Variants in FAM120B observed in about 807,000 individuals in gnomAD.
FAM120B encodes constitutive coactivator of peroxisome proliferator-activated receptor gamma.
In FAM120B, 83 loss-of-function variants were observed where a neutral mutation model predicts 96.3. The ratio of observed to expected loss-of-function variants is 0.86; its 90% CI spans 0.72 to 1.03. The LOEUF (loss-of-function observed/expected upper bound fraction) is 1.03, where lower values mean the gene tolerates loss of function less well. FAM120B is among the 50% of genes least tolerant of loss of function. The pLI is 0.00. For synonymous variants in FAM120B, 407 were observed against 402.7 expected (o/e 1.01, Z -0.13); for missense variants, 1,027 against 1,121.2 (o/e 0.92, Z 1.20).
At chr6:170,336,143 A>G (rs895023269) in intron 4 of FAM120B, among the ~76,000 whole-genome samples, 1 of 152,004 alleles carries the variant, frequency 6.6e-6, no homozygotes, top group African/African-American at 2.4e-5. Context: ...CCTGAATGGT[A>G]TTGTCTAGGT....
intron 6 of FAM120B, among the ~76,000 whole-genome samples, chr6:170,382,763 A>G (rs1379950365): frequency 6.6e-6 from 1 of 152,246 alleles, no homozygotes; most frequent in Non-Finnish European, 1.5e-5. Flanking sequence ...CAAAAATCCC[A>G]GCAAGGTATT....
At position 170,370,698 on chromosome 6, in the gene FAM120B, TTTC is replaced by T; in HGVS notation, c.2283+12383_2283+12385del. ...GCAGTTCAGATATTACCTCACCGCA[TTTC>T]TTATAAAGATTCGCCTTCTAACACC... On this transcript the variant is annotated intron_variant, in intron 6 of 10. Transcript: ENST00000476287. This position sits in a 1 kb window ranked among gnomAD's most constrained non-coding sequence, Gnocchi z 4.3. Among the ~76,000 whole-genome samples, 1 of 152,344 alleles carries T rather than the reference TTTC, an allele frequency of 6.6e-6. No individual in the cohort carries two copies. The highest frequency in any genetic ancestry group is 1.9e-4 in the East Asian group (1 of 5,182).
intron 8 of FAM120B, 75 bp from the exon 9 acceptor site, chr6:170,395,412 C>T (rs1332527221): frequency 8.3e-7 from 1 of 1,209,744 alleles, no homozygotes; most frequent in Non-Finnish European, 1.2e-6. Context: ...GCTGCCTTGC[C>T]ACCCTTTACA....
intron 9 of FAM120B, among the ~76,000 whole-genome samples, chr6:170,402,514 C>T (rs1044115292): frequency 6.6e-6 from 1 of 152,210 alleles, no homozygotes; most frequent in East Asian, 1.9e-4. Context: ...AGTGCGGGCA[C>T]GCTGGCCCTG....
chr6:170,313,979 C>T lies in FAM120B; in HGVS notation c.-21-3391C>T, dbSNP rs549418314. On this transcript the variant is annotated intron_variant, in intron 1 of 10. Transcript: ENST00000476287. ...GAGTCTTCCTCACTGTGTGTGCGTC[C>T]ATCAACATCAGGCAGCTTTGTTTAT... is the stretch of plus-strand genomic sequence containing the variant. Among the ~76,000 whole-genome samples, 24 of 152,366 alleles carry T rather than the reference C, an allele frequency of 1.6e-4. No individual in the cohort carries two copies. In the East Asian group the frequency reaches 4.4e-3, roughly 28 times the overall value.
intron 4 of FAM120B, among the ~76,000 whole-genome samples, chr6:170,342,364 C>G (rs933598706): frequency 6.6e-6 from 1 of 152,126 alleles, no homozygotes; most frequent in Admixed American, 6.5e-5. Context: ...GGCAGTTTTA[C>G]GTTTTTATTA....
rs375836474 is a variant in FAM120B, at chr6:170,404,672, T to C, written c.*11+71T>C. The C allele has an allele frequency of 5.8e-5, 70 of 1,207,466 alleles. 1 individual carries two copies. The highest frequency in any genetic ancestry group is 4.9e-4 in the South Asian group (39 of 80,078). The allele number at this position is 1,207,466 out of a possible 1,614,324, so 74.8% of individuals were successfully genotyped here. A position where few individuals can be genotyped will look rare whatever the true frequency, so the allele number is the denominator to read the frequency against. On this transcript the variant is annotated intron_variant, in intron 10 of 10. Transcript: ENST00000476287. ...GTCTTAATAACATAAATCTTCCATA[T>C]CAAGTACCAAAGTAAACAGAACTCA...
At chr6:170,330,791 C>T (rs1357243970) in intron 4 of FAM120B, 1 of 522,068 alleles carries the variant, frequency 1.9e-6, no homozygotes, top group Admixed American at 3.5e-5. Context: ...TCTCCATCCA[C>T]CCTGGTCCAG....
At chr6:170,312,108 A>G (rs1784631182) in intron 1 of FAM120B, among the ~76,000 whole-genome samples, 1 of 152,236 alleles carries the variant, frequency 6.6e-6, no homozygotes, top group Non-Finnish European at 1.5e-5. Context: ...TATATTTATA[A>G]CAAATTAGAC....
chr6:170,299,010 C>A (rs1425406825), intron 1 of FAM120B, among the ~76,000 whole-genome samples: 1 of 152,178 alleles, frequency 6.6e-6, no homozygotes, highest in Non-Finnish European at 1.5e-5. Context: ...GCTGAGGACC[C>A]AAAGTGGAAC....
At chr6:170,332,903 G>A (rs182425458) in intron 4 of FAM120B, among the ~76,000 whole-genome samples, 4 of 152,020 alleles carry the variant, frequency 2.6e-5, no homozygotes, top group African/African-American at 9.6e-5. Flanking sequence ...AGTGGCCCAT[G>A]TTCTTTCTTT....
intron 6 of FAM120B, among the ~76,000 whole-genome samples, chr6:170,364,108 C>T (rs1046528743): frequency 6.6e-6 from 1 of 152,098 alleles, no homozygotes; most frequent in African/African-American, 2.4e-5. Flanking sequence ...CTGCATTTCC[C>T]CTTGTTCAGT....
chr6:170,304,853 CCT>C (rs890079726), upstream of FAM120B, among the ~76,000 whole-genome samples: 4 of 152,254 alleles, frequency 2.6e-5, no homozygotes, highest in East Asian at 5.8e-4. Flanking sequence ...CTTTTTCATC[CCT>C]GTCTTAGACT....
upstream of FAM120B, among the ~76,000 whole-genome samples, chr6:170,303,231 CTACTT>C (rs1784178806): frequency 6.6e-6 from 1 of 152,198 alleles, no homozygotes; most frequent in Non-Finnish European, 1.5e-5. Context: ...AGAATTTACT[CTACTT>C]TCTTTTCCTT....
chr6:170,361,235 T>TATATACACAC (rs1218513547), intron 6 of FAM120B, among the ~76,000 whole-genome samples: 1 of 90,030 alleles, frequency 1.1e-5, no homozygotes, highest in East Asian at 2.1e-3. Context: ...TATATATATA[T>TATATACACAC]ACACGTATAT....
chr6:170,354,574 G>A (rs886396023), intron 5 of FAM120B, among the ~76,000 whole-genome samples: 1 of 151,918 alleles, frequency 6.6e-6, no homozygotes, highest in Non-Finnish European at 1.5e-5. Context: ...AAGAAAAAAA[G>A]CAAAAAAACA....
rs977696113 is a variant in FAM120B at position 170,363,482 on chromosome 6, T to C, written c.2283+5164T>C. Reference sequence around the variant, plus strand: ...CAGCACAGCTTGGCCTGGGGCCTGCTGGGGCGCTCAGAAAACAGCAAGCTG... The same window carrying C: ...CAGCACAGCTTGGCCTGGGGCCTGCCGGGGCGCTCAGAAAACAGCAAGCTG... On this transcript the variant is annotated intron_variant, in intron 6 of 10. Coordinates refer to ENST00000476287, the MANE Select transcript of FAM120B (RefSeq NM_032448.3). The surrounding 1 kb of genome is among the most constrained non-coding windows in gnomAD (Gnocchi z 4.5). Among the ~76,000 whole-genome samples the C allele has an allele frequency of 5.0e-4, 76 of 152,238 alleles. 1 individual carries two copies. The highest frequency in any genetic ancestry group is 8.8e-5 in the Non-Finnish European group (6 of 68,040).
intron 6 of FAM120B, among the ~76,000 whole-genome samples, chr6:170,375,926 G>A (rs1227020791): frequency 6.6e-6 from 1 of 152,192 alleles, no homozygotes; most frequent in Non-Finnish European, 1.5e-5. Flanking sequence ...GACTGTTTGT[G>A]AAGAGAGAGC....
rs926249928 is a variant in FAM120B, at chr6:170,400,329, A to G, written c.2693-4221A>G. Among the ~76,000 whole-genome samples the G allele has an allele frequency of 3.3e-5, 5 of 152,144 alleles. No individual in the cohort carries two copies. The South Asian group carries it at 6.2e-4, about 19-fold the overall frequency. On this transcript the variant is annotated intron_variant, in intron 9 of 10. Transcript: ENST00000476287. ...GTAGAACTATGTCATTTACAGATGT[A>G]TCATCAAGAACATGCCCCATCCTGC...
Sources: allele counts gnomAD v4.1 joint callset (sites outside exome capture counted in the v4.1 genomes callset), GRCh38; gene constraint gnomAD v4.1.1; non-coding constraint Gnocchi (gnomAD v3.1); transcripts MANE v1.5; gene names NCBI Gene and HGNC (gene_info 2026-07-23, HGNC 2026-07-21).